Variants in ADGRB3 observed in about 807,000 individuals in gnomAD.
ADGRB3 encodes brain-specific angiogenesis inhibitor 3.
A neutral mutation model predicts 193.4 loss-of-function variants in ADGRB3; 37 were observed. The ratio of observed to expected loss-of-function variants is 0.19; its 90% CI spans 0.15 to 0.25. The LOEUF is 0.25. ADGRB3 is among the 10% of genes least tolerant of loss of function. ADGRB3 has a pLI of 1.00. For synonymous variants in ADGRB3, 690 were observed against 644.2 expected, an observed-to-expected ratio of 1.07 and a Z score of -1.08; for missense variants, 1,637 against 1,852.9, an observed-to-expected ratio of 0.88 and a Z score of 2.14.
intron 15 of ADGRB3, among the ~76,000 whole-genome samples, chr6:69,060,241 TCTCTCTCTCC>T (rs1200465214): frequency 2.0e-5 from 3 of 151,388 alleles, no homozygotes; most frequent in Non-Finnish European, 4.4e-5. Flanking sequence ...TCTCTCTCTC[TCTCTCTCTCC>T]TCCTCTGTCT....
At chr6:69,304,781 G>A (rs1255509520) in intron 20 of ADGRB3, among the ~76,000 whole-genome samples, 3 of 151,442 alleles carry the variant, frequency 2.0e-5, no homozygotes, top group Admixed American at 6.6e-5. Flanking sequence ...TAGAGTAATG[G>A]TAGTTATTTC....
chr6:68,978,130 T>C (rs1582366283), intron 10 of ADGRB3, among the ~76,000 whole-genome samples: 1 of 151,626 alleles, frequency 6.6e-6, no homozygotes, highest in Non-Finnish European at 1.5e-5. Context: ...GGAATAATCA[T>C]ACATTGTGAA....
chr6:68,870,902 A>G (rs1765437487), intron 3 of ADGRB3, among the ~76,000 whole-genome samples: 1 of 152,220 alleles, frequency 6.6e-6, no homozygotes. Context: ...GGTGAGATGC[A>G]GAGTAGCCTG....
intron 30 of ADGRB3, 134 bp downstream of exon 30, chr6:69,372,575 TTTAA>T (rs1316211348): frequency 2.5e-6 from 1 of 397,932 alleles, no homozygotes. Flanking sequence ...GTCAAACATT[TTTAA>T]TTAAAGTTTA....
chr6:68,643,438 CTT>C (rs765489730), intron 3 of ADGRB3, among the ~76,000 whole-genome samples: 1,436 of 64,774 alleles, frequency 0.022, 23 homozygotes, highest in African/African-American at 0.09. Flanking sequence ...CTTCATCTTC[CTT>C]TTTTTTTTTT....
In ADGRB3 at chr6:68,874,613, A is replaced by C. The variant is rs12529738; in HGVS notation, c.758-55946A>C. Among the ~76,000 whole-genome samples the C allele has an allele frequency of 6.0e-3, 907 of 152,260 alleles. 13 individuals carry two copies. The highest frequency in any genetic ancestry group is 0.019 in the African/African-American group (806 of 41,548). On this transcript the variant is annotated intron_variant, in intron 3 of 31. Transcript: ENST00000370598. ...TTTGAAAATCTTATTTATATAGCTTAAAGAAAAACCATATGACTTTAAGAA... is the reference window on the plus strand; with the variant it reads ...TTTGAAAATCTTATTTATATAGCTTCAAGAAAAACCATATGACTTTAAGAA...
At chr6:69,047,160 A>G (rs1323862982) in intron 13 of ADGRB3, among the ~76,000 whole-genome samples, 3 of 152,286 alleles carry the variant, frequency 2.0e-5, no homozygotes, top group Admixed American at 6.5e-5. Flanking sequence ...CACCCAGCCA[A>G]TGAATTTTTA....
chr6:68,683,201 A>AT (rs927432655), intron 3 of ADGRB3, among the ~76,000 whole-genome samples: 1 of 152,206 alleles, frequency 6.6e-6, no homozygotes, highest in Admixed American at 6.5e-5. Flanking sequence ...GTACCTATAC[A>AT]TTTTTAAATA....
chr6:68,933,836 A>G (rs991502672), intron 4 of ADGRB3, among the ~76,000 whole-genome samples: 1 of 152,160 alleles, frequency 6.6e-6, no homozygotes, highest in African/African-American at 2.4e-5. Context: ...ATTTCCATCA[A>G]TCACAGGTCT....
chr6:69,330,482 G>T (rs1405368443), intron 22 of ADGRB3, 24 bp from the exon 23 acceptor site: 1 of 1,589,554 alleles, frequency 6.3e-7, no homozygotes, highest in South Asian at 1.2e-5. Context: ...ATTTTTGTTA[G>T]TTCTTATCTA....
chr6:68,833,528 A>G (rs1297644573), intron 3 of ADGRB3, among the ~76,000 whole-genome samples: 1 of 121,624 alleles, frequency 8.2e-6, no homozygotes, highest in Admixed American at 9.4e-5. Context: ...GCAGTTAAAA[A>G]GAAAATCAAT....
intron 3 of ADGRB3, among the ~76,000 whole-genome samples, chr6:68,916,272 C>T (rs1471786880): frequency 1.3e-5 from 2 of 152,070 alleles, no homozygotes; most frequent in African/African-American, 4.8e-5. Flanking sequence ...GGGATAAACA[C>T]TAATGTAAAA....
intron 29 of ADGRB3, among the ~76,000 whole-genome samples, chr6:69,366,742 A>G (rs933919508): frequency 1.3e-5 from 2 of 152,134 alleles, no homozygotes; most frequent in Non-Finnish European, 2.9e-5. Context: ...AAATTCTCTC[A>G]GAGTATGCCC....
Position 69,327,870 on chromosome 6 carries a change from G to C in ADGRB3, c.3016G>C (p.Gly1006Arg). 1 of 1,609,714 alleles carries C rather than the reference G, an allele frequency of 6.2e-7. No individual in the cohort carries two copies. Among genetic ancestry groups the C allele is most frequent in the Non-Finnish European group, 8.5e-7 (1 of 1,176,800 alleles). Residue 1006 changes from glycine to arginine, a missense_variant, in exon 22 of 32, where the codon GGA becomes CGA. Transcript: ENST00000370598. ...ATCAGTAGGCTTCACCAGAACAAAA[G>C]GATATGGCACTGATCACTAGTAAGT... ...ATSVGFTRTK[G>R]YGTDHYCWLS...
At chr6:68,962,585 G>T (rs962230958) in intron 8 of ADGRB3, among the ~76,000 whole-genome samples, 1 of 152,066 alleles carries the variant, frequency 6.6e-6, no homozygotes, top group Non-Finnish European at 1.5e-5. Flanking sequence ...GCAACATGCT[G>T]ATCATTCTCA....
intron 17 of ADGRB3, among the ~76,000 whole-genome samples, chr6:69,149,750 G>A (rs1561934773): frequency 6.6e-6 from 1 of 152,128 alleles, no homozygotes; most frequent in East Asian, 1.9e-4. Context: ...GGTCACTGCA[G>A]CCTTATCTGC....
At chr6:68,798,610 C>A (rs1424989377) in intron 3 of ADGRB3, among the ~76,000 whole-genome samples, 1 of 152,036 alleles carries the variant, frequency 6.6e-6, no homozygotes, top group African/African-American at 2.4e-5. Flanking sequence ...TGCAGCAAAC[C>A]ACCATGGCAC....
intron 11 of ADGRB3, among the ~76,000 whole-genome samples, chr6:69,011,625 A>T (rs552515898): frequency 6.6e-6 from 1 of 152,198 alleles, no homozygotes; most frequent in South Asian, 2.1e-4. Context: ...TATCCCCTGA[A>T]TCTAAAATTA....
intron 4 of ADGRB3, among the ~76,000 whole-genome samples, chr6:68,932,590 A>AT (rs1767371084): frequency 6.6e-6 from 1 of 152,008 alleles, no homozygotes; most frequent in African/African-American, 2.4e-5. Flanking sequence ...TTCCTTAAAT[A>AT]TTTTCCTAGA....
Sources: allele counts gnomAD v4.1 joint callset (sites outside exome capture counted in the v4.1 genomes callset), GRCh38; gene constraint gnomAD v4.1.1; transcripts MANE v1.5; gene names NCBI Gene and HGNC (gene_info 2026-07-23, HGNC 2026-07-21).